ITPR1: variants seen among roughly 807,000 people sequenced by gnomAD.
ITPR1 encodes inositol 1,4,5-trisphosphate-gated calcium channel ITPR1.
A neutral mutation model predicts 318.4 loss-of-function variants in ITPR1; 96 were observed. The observed-to-expected ratio is 0.30, with a 90% CI of 0.26 to 0.36. The LOEUF is 0.36. Among genes scored for constraint, ITPR1 ranks in the 10% least tolerant of loss-of-function variants. ITPR1 has a pLI of 1.00. For missense variants in ITPR1, 2,440 were observed against 3,460.2 expected (o/e 0.71, Z 7.40); for synonymous variants, 1,312 against 1,289.9 (o/e 1.02, Z -0.37).
chr3:4,633,379 T>C (rs2093076890), intron 5 of ITPR1, among the ~76,000 whole-genome samples: 1 of 152,226 alleles, frequency 6.6e-6, no homozygotes, highest in Admixed American at 6.5e-5. Flanking sequence ...ATGTTGTATT[T>C]TGGACAGCCA....
Position 4,616,399 on chromosome 3 carries a change from G to A in ITPR1, c.164-11364G>A, listed in dbSNP as rs552193483. ...CTACTTTTAAATCTTAACCCCCTTG[G>A]TGGGGAATTAATACTCCCTCTTCCC... On this transcript the variant is annotated intron_variant, in intron 4 of 61. Coordinates refer to ENST00000649015, the MANE Select transcript of ITPR1 (RefSeq NM_001378452.1). Among the ~76,000 whole-genome samples, 296 of 152,168 alleles carry A rather than the reference G, an allele frequency of 1.9e-3. 1 individual carries two copies. Among genetic ancestry groups the A allele is most frequent in the South Asian group, 0.011 (55 of 4,822 alleles).
At position 4,797,438 on chromosome 3, in the gene ITPR1, C is replaced by T. The variant is rs375560469; in HGVS notation, c.6931+2251C>T. Among the ~76,000 whole-genome samples the T allele has an allele frequency of 1.6e-3, 246 of 152,082 alleles. 2 individuals are homozygous for T. Among genetic ancestry groups the T allele is most frequent in the African/African-American group, 5.8e-3 (240 of 41,464 alleles). On this transcript the variant is annotated intron_variant, in intron 53 of 61. Coordinates refer to ENST00000649015, the MANE Select transcript of ITPR1 (RefSeq NM_001378452.1). ...GTCCCTCTTGAATGTGTATAATGGC[C>T]GTATTATGTGTGCTGATTTTGTGTG...
chr3:4,762,657 G>A (rs1034810991), intron 44 of ITPR1, among the ~76,000 whole-genome samples: 21 of 152,212 alleles, frequency 1.4e-4, no homozygotes, highest in Admixed American at 1.1e-3. Flanking sequence ...ATTCAGAGAG[G>A]CTGGGCAGTG....
At chr3:4,548,396 A>G (rs2085238477) in intron 4 of ITPR1, among the ~76,000 whole-genome samples, 1 of 152,218 alleles carries the variant, frequency 6.6e-6, no homozygotes, top group Admixed American at 6.5e-5. Flanking sequence ...AAACTAGGAC[A>G]TTCTTGTCTT....
chr3:4,831,798 A>G (rs1380857522), intron 60 of ITPR1, among the ~76,000 whole-genome samples: 1 of 152,208 alleles, frequency 6.6e-6, no homozygotes, highest in Non-Finnish European at 1.5e-5. Flanking sequence ...ACAAGCTCAG[A>G]GTTTTGTATG....
chr3:4,783,076 C>G (rs73003086), intron 50 of ITPR1, among the ~76,000 whole-genome samples: 13,720 of 152,290 alleles, frequency 0.09, 775 homozygotes, highest in Non-Finnish European at 0.14. Context: ...TGATGAGCCT[C>G]TCTTAACAAT....
At chr3:4,677,395 CAG>C (rs1244620569) in intron 24 of ITPR1, among the ~76,000 whole-genome samples, 3 of 152,096 alleles carry the variant, frequency 2.0e-5, no homozygotes, top group East Asian at 1.9e-4. Flanking sequence ...ACACTGAGGA[CAG>C]GGGGCTGGGG....
chr3:4,586,089 G>C (rs2089869485), intron 4 of ITPR1, among the ~76,000 whole-genome samples: 1 of 152,140 alleles, frequency 6.6e-6, no homozygotes, highest in African/African-American at 2.4e-5. Context: ...TCCCTACAAA[G>C]GACATGAACT....
At chr3:4,599,228 C>T (rs576265903) in intron 4 of ITPR1, among the ~76,000 whole-genome samples, 1 of 152,284 alleles carries the variant, frequency 6.6e-6, no homozygotes, top group South Asian at 2.1e-4. Flanking sequence ...ATGTTGCCTG[C>T]GGTCACAGAG....
At chr3:4,831,240 C>A (rs2050490207) in intron 60 of ITPR1, 12 of 292,606 alleles carry the variant, frequency 4.1e-5, no homozygotes, top group South Asian at 3.5e-4. Flanking sequence ...TCTAAAACTT[C>A]AGTGTTTGCC....
At chr3:4,496,758 G>T (rs1255277128) in intron 2 of ITPR1, among the ~76,000 whole-genome samples, 3 of 152,142 alleles carry the variant, frequency 2.0e-5, no homozygotes, top group Non-Finnish European at 4.4e-5. Flanking sequence ...ACTTCCAGAG[G>T]GGGGAATATC....
chr3:4,705,456 C>T (rs774574987), intron 36 of ITPR1, among the ~76,000 whole-genome samples: 24 of 152,168 alleles, frequency 1.6e-4, no homozygotes, highest in Non-Finnish European at 2.8e-4. Flanking sequence ...CTTGTCATGC[C>T]CTTTTTCTGT....
chr3:4,494,309 G>T (rs1454080315), intron 1 of ITPR1, 122 bp from the exon 2 acceptor site: 1 of 152,530 alleles, frequency 6.6e-6, no homozygotes, highest in East Asian at 1.9e-4. Flanking sequence ...AAGTTTGGGG[G>T]CGGGGGGGCT....
intron 56 of ITPR1, among the ~76,000 whole-genome samples, chr3:4,811,768 T>C (rs2048954249): frequency 6.6e-6 from 1 of 152,202 alleles, no homozygotes; most frequent in South Asian, 2.1e-4. Flanking sequence ...TGCATCCCTT[T>C]AACTGAGTAA....
At chr3:4,831,851 C>T (rs2050539130) in intron 60 of ITPR1, among the ~76,000 whole-genome samples, 1 of 152,220 alleles carries the variant, frequency 6.6e-6, no homozygotes. Context: ...CAGGTGTTCT[C>T]TCTGTGCCTA....
chr3:4,780,946 T>G (rs2046793474), intron 49 of ITPR1, among the ~76,000 whole-genome samples: 1 of 152,216 alleles, frequency 6.6e-6, no homozygotes, highest in Non-Finnish European at 1.5e-5. Context: ...CCCCGGTGGT[T>G]GGAGAACATC....
chr3:4,504,970 T>C (rs2081296436), intron 2 of ITPR1, among the ~76,000 whole-genome samples: 1 of 152,090 alleles, frequency 6.6e-6, no homozygotes, highest in Admixed American at 6.5e-5. Context: ...CTCCTTTTTT[T>C]TTTTTTCCTG....
chr3:4,659,979 C>T (rs759308455), intron 13 of ITPR1, among the ~76,000 whole-genome samples: 1 of 152,084 alleles, frequency 6.6e-6, no homozygotes, highest in Non-Finnish European at 1.5e-5. Context: ...GCCTCATTTG[C>T]ACCTGTACTA....
intron 53 of ITPR1, among the ~76,000 whole-genome samples, chr3:4,797,015 G>T (rs1369425014): frequency 6.6e-6 from 1 of 152,040 alleles, no homozygotes. Context: ...CTAAAATGGT[G>T]CATTCTGAAT....
Sources: allele counts gnomAD v4.1 joint callset (sites outside exome capture counted in the v4.1 genomes callset), GRCh38; gene constraint gnomAD v4.1.1; transcripts MANE v1.5; gene names NCBI Gene and HGNC (gene_info 2026-07-23, HGNC 2026-07-21).